The following EDDM13 variants were observed in gnomAD, a reference collection of about 807,000 sequenced individuals.
The protein encoded by EDDM13 is epididymal protein 13.
Under a neutral mutation model 17.8 loss-of-function variants are expected in EDDM13, and 24 were observed. The ratio of observed to expected loss-of-function variants is 1.35; its 90% CI spans 0.98 to 1.90. The LOEUF (loss-of-function observed/expected upper bound fraction) is 1.90. EDDM13 is among the 40% of genes most tolerant of loss of function. The pLI, the probability that EDDM13 is intolerant of heterozygous loss-of-function variation, is 0.00. For missense variants in EDDM13, 97 were observed against 100.8 expected (o/e 0.96, Z 0.16); for synonymous variants, 31 against 37.5 (o/e 0.83, Z 0.63).
At chr19:56,305,448 G>A (rs1470375150) in intron 14 of EDDM13, among the ~76,000 whole-genome samples, 5 of 152,270 alleles carry the variant, frequency 3.3e-5, no homozygotes, top group South Asian at 2.1e-4. Flanking sequence ...ACACTCCACG[G>A]CATGGACATA....
intron 12 of EDDM13, among the ~76,000 whole-genome samples, chr19:56,299,368 A>T (rs1266739746): frequency 6.6e-6 from 1 of 152,046 alleles, no homozygotes; most frequent in Non-Finnish European, 1.5e-5. Flanking sequence ...CCTGGGCCCA[A>T]GTGAGCCTCC....
intron 10 of EDDM13, 161 bp from the exon 11 acceptor site, chr19:56,296,175 G>C (rs2039859727): frequency 6.6e-6 from 1 of 152,594 alleles, no homozygotes; most frequent in African/African-American, 2.4e-5. Context: ...GCACAGGGGG[G>C]AGGTGGCAGT....
chr19:56,302,913 C>T (rs1019108733), intron 13 of EDDM13: 1 of 398,522 alleles, frequency 2.5e-6, no homozygotes, highest in South Asian at 1.3e-4. Flanking sequence ...TCAAGAAGGT[C>T]CTAATTCTGT....
chr19:56,273,839 C>A (rs2038041378), intron 1 of EDDM13, among the ~76,000 whole-genome samples: 1 of 152,010 alleles, frequency 6.6e-6, no homozygotes, highest in Admixed American at 6.6e-5. Context: ...GGGTTTTCAG[C>A]AAAGGAGTGT....
chr19:56,301,739 G>A lies in EDDM13; in HGVS notation c.296-229G>A, dbSNP rs2040245863. ...ACAGGGTCAGATTTGGTGATGTCTTGGATGTGAGGTGGGAGAGCCAAAAGG... is the reference window on the plus strand; with the variant it reads ...ACAGGGTCAGATTTGGTGATGTCTTAGATGTGAGGTGGGAGAGCCAAAAGG... On this transcript the variant is annotated intron_variant, in intron 12 of 14. Coordinates refer to ENST00000649256, the MANE Select transcript of EDDM13 (RefSeq NM_001354658.2). Among the ~76,000 whole-genome samples, 4 of 152,128 alleles carry A rather than the reference G, an allele frequency of 2.6e-5. No homozygotes were observed. The South Asian group carries it at 8.3e-4, about 32-fold the overall frequency.
chr19:56,275,491 G>A (rs2038181183), intron 1 of EDDM13, among the ~76,000 whole-genome samples: 1 of 152,212 alleles, frequency 6.6e-6, no homozygotes, highest in African/African-American at 2.4e-5. Flanking sequence ...AGCACTTCGG[G>A]AGGCCAACGC....
rs2038921822 is a variant in EDDM13 at position 56,284,099 on chromosome 19, A to C, written c.119-99A>C. ...CATCTGACCTCGTTTTTGGTTTTCT[A>C]ATTATGGCTTCGTCTTTGTGACCTC... is the stretch of plus-strand genomic sequence containing the variant. On this transcript the variant is annotated intron_variant, in intron 4 of 14. Coordinates refer to ENST00000649256, the MANE Select transcript of EDDM13 (RefSeq NM_001354658.2). 4.2e-6 allele frequency: 4 copies of C among 950,728 alleles called. No individual in the cohort carries two copies. The African/African-American group carries it at 7.1e-5, about 17-fold the overall frequency. 58.9% of individuals were successfully genotyped at this position (950,728 alleles called of 1,614,324 possible).
At chr19:56,300,086 G>C (rs1176308848) in intron 12 of EDDM13, 1 of 152,136 alleles carries the variant, frequency 6.6e-6, no homozygotes, top group Non-Finnish European at 1.5e-5. Flanking sequence ...GGGATATGCT[G>C]GTGTTGGTGA....
At chr19:56,305,973 G>A (rs2040658531) in intron 14 of EDDM13, among the ~76,000 whole-genome samples, 1 of 148,846 alleles carries the variant, frequency 6.7e-6, no homozygotes, top group Admixed American at 6.7e-5. Context: ...ATGGGGGCAG[G>A]AGAAGGGGGA....
chr19:56,302,439 CCTTT>C (rs1027018963), intron 13 of EDDM13, among the ~76,000 whole-genome samples: 13 of 130,698 alleles, frequency 9.9e-5, no homozygotes, highest in African/African-American at 3.7e-4. Flanking sequence ...TCCCTTCCTT[CCTTT>C]CTTCCTCTCT....
intron 8 of EDDM13, among the ~76,000 whole-genome samples, chr19:56,289,908 C>T (rs2039401326): frequency 1.3e-5 from 2 of 152,224 alleles, no homozygotes; most frequent in Non-Finnish European, 2.9e-5. Flanking sequence ...GCCACCACTT[C>T]TGACCCTCAC....
In EDDM13 at chr19:56,310,180, AAGGC is replaced by A. The variant is rs2040947591; in HGVS notation, c.*33_*36del. On this transcript the variant is annotated 3_prime_UTR_variant, in exon 15 of 15. Transcript: ENST00000649256. ...TGCTCCATCTCAGCTTAGCCTTCAC[AAGGC>A]CTCCATCTCCCAGGCATTCTAACCT... The A allele has an allele frequency of 6.6e-6, 1 of 152,312 alleles. No individual in the cohort carries two copies. Among genetic ancestry groups the A allele is most frequent in the African/African-American group, 2.4e-5 (1 of 41,458 alleles). The allele number at this position is 152,312 out of a possible 1,614,324, so 9.4% of individuals were successfully genotyped here.
In EDDM13 at chr19:56,285,022, A is replaced by C. The variant is rs981327741; in HGVS notation, c.152A>C (p.Asp51Ala). The change falls in exon 6 of 15, where the codon GAT becomes GCT. Residue 51 changes from aspartate to alanine, a missense_variant and splice_region_variant. By Grantham distance (126) the Asp-to-Ala change is moderately radical. Coordinates refer to ENST00000649256, the MANE Select transcript of EDDM13 (RefSeq NM_001354658.2). ...GGTCTCATGAGCAGACTGTCACCGG[A>C]TGGTAAGTGTCAGGATTGTATCTTT... is the stretch of plus-strand genomic sequence containing the variant. ...IIGLMSRLSP[D>A]GLRHNITSLK... 2 of 985,202 alleles carry C rather than the reference A, an allele frequency of 2.0e-6. No individual in the cohort carries two copies. Among genetic ancestry groups the C allele is most frequent in the Admixed American group, 1.2e-4 (2 of 16,272 alleles). 61.0% of individuals were successfully genotyped at this position (985,202 alleles called of 1,614,324 possible).
chr19:56,299,164 CT>C (rs1356269488), intron 12 of EDDM13, among the ~76,000 whole-genome samples: 1 of 151,956 alleles, frequency 6.6e-6, no homozygotes, highest in East Asian at 1.9e-4. Flanking sequence ...CACGGTCTAG[CT>C]TTGTTGCCCA....
At chr19:56,286,496 A>G (rs1289603015) in intron 6 of EDDM13, 2 of 152,152 alleles carry the variant, frequency 1.3e-5, no homozygotes, top group East Asian at 3.9e-4. Flanking sequence ...AACTTGAAAA[A>G]GTTGCTTTAT....
At chr19:56,276,686 C>T (rs566520143) in intron 2 of EDDM13, among the ~76,000 whole-genome samples, 148 of 151,838 alleles carry the variant, frequency 9.7e-4, no homozygotes, top group African/African-American at 3.0e-3. Context: ...ACAGGCTGCG[C>T]GCCACCATGC....
chr19:56,281,739 G>A (rs1436102327), intron 3 of EDDM13, 41 bp downstream of exon 3: 29 of 982,768 alleles, frequency 3.0e-5, no homozygotes, highest in Non-Finnish European at 3.1e-5. Context: ...TGGGGAGCCC[G>A]CCCTTCAACC....
intron 12 of EDDM13, among the ~76,000 whole-genome samples, chr19:56,300,503 C>T (rs1006998769): frequency 1.6e-4 from 25 of 152,190 alleles, no homozygotes; most frequent in African/African-American, 5.8e-4. Flanking sequence ...CCATCCCCTC[C>T]CAACAAGAAG....
chr19:56,308,709 T>C (rs995078484), intron 14 of EDDM13, among the ~76,000 whole-genome samples: 1 of 151,820 alleles, frequency 6.6e-6, no homozygotes, highest in African/African-American at 2.4e-5. Flanking sequence ...TTCCTTGATC[T>C]CTGTCTACCT....
Sources: gnomAD v4.1 joint callset for allele counts (sites outside exome capture counted in the v4.1 genomes callset) on GRCh38, gnomAD v4.1.1 for gene constraint, MANE v1.5 for transcripts, NCBI Gene and HGNC (gene_info 2026-07-23, HGNC 2026-07-21) for gene names.